GDPD1: variants seen among roughly 807,000 people sequenced by gnomAD.
The protein encoded by GDPD1 is lysophospholipase D GDPD1.
A neutral mutation model predicts 45.1 loss-of-function variants in GDPD1; 28 were observed. The observed-to-expected ratio is 0.62, with a 90% CI of 0.46 to 0.85. The LOEUF (loss-of-function observed/expected upper bound fraction) is 0.85, where lower values mean the gene tolerates loss of function less well. Among genes scored for constraint, GDPD1 ranks in the 40% least tolerant of loss-of-function variants. The probability of loss-of-function intolerance (pLI) is 0.00; values close to 1 mark genes in which losing one functional copy is unlikely to be tolerated. For missense variants in GDPD1, 256 were observed against 364.8 expected, an observed-to-expected ratio of 0.70 and a Z score of 2.43; for synonymous variants, 139 against 131.4, an observed-to-expected ratio of 1.06 and a Z score of -0.40.
intron 7 of GDPD1, among the ~76,000 whole-genome samples, chr17:59,270,662 G>A (rs991891881): frequency 5.3e-5 from 8 of 151,876 alleles, no homozygotes; most frequent in Non-Finnish European, 7.4e-5. Flanking sequence ...AGGGCACCAG[G>A]GTCTCTGGAA....
chr17:59,267,612 G>A (rs1471479767), intron 7 of GDPD1, among the ~76,000 whole-genome samples: 1 of 150,798 alleles, frequency 6.6e-6, no homozygotes, highest in Non-Finnish European at 1.5e-5. Flanking sequence ...AACCTCTGGA[G>A]ATAGGAAAAT....
At chr17:59,255,833 A>ATATATATATATATATATACACACG (rs1274097014) in intron 4 of GDPD1, among the ~76,000 whole-genome samples, 4 of 22,116 alleles carry the variant, frequency 1.8e-4, no homozygotes, top group South Asian at 8.7e-4. Flanking sequence ...ATATACGCGT[A>ATATATATATATATATATACACACG]TATATATATA....
At chr17:59,223,615 A>G (rs1041398269) in intron 1 of GDPD1, among the ~76,000 whole-genome samples, 1 of 152,138 alleles carries the variant, frequency 6.6e-6, no homozygotes, top group African/African-American at 2.4e-5. Context: ...ATATTTACTT[A>G]TTTTTCCCTA....
At chr17:59,254,045 A>G (rs1304818896) in intron 4 of GDPD1, among the ~76,000 whole-genome samples, 1 of 143,536 alleles carries the variant, frequency 7.0e-6, no homozygotes, top group Non-Finnish European at 1.5e-5. Flanking sequence ...ACAAAGCAAG[A>G]CTTCATCTCT....
chr17:59,243,250 A>T (rs1387200802), intron 2 of GDPD1, among the ~76,000 whole-genome samples: 1 of 151,198 alleles, frequency 6.6e-6, no homozygotes, highest in African/African-American at 2.4e-5. Context: ...TCACGCCTGT[A>T]ATCCCAGCAT....
chr17:59,272,517 T>C (rs1873444790), intron 8 of GDPD1, among the ~76,000 whole-genome samples: 1 of 152,220 alleles, frequency 6.6e-6, no homozygotes, highest in Non-Finnish European at 1.5e-5. Flanking sequence ...TCCATTGAGC[T>C]GTGCCAACAA....
chr17:59,237,041 GT>G (rs571076047), intron 2 of GDPD1, among the ~76,000 whole-genome samples: 1 of 151,242 alleles, frequency 6.6e-6, no homozygotes, highest in Middle Eastern at 3.4e-3. Flanking sequence ...AACTTAGAAG[GT>G]TTTTTTTTGT....
At position 59,257,221 on chromosome 17, in the gene GDPD1, A is replaced by G; in HGVS notation, c.467A>G (p.Asn156Ser). ...TPINIDIKVN[N>S]NVLIKKVSEL... ...ATTAACATCGATATCAAAGTCAACA[A>G]CAATGTGCTGATTAAGAAGGTACTC... is the stretch of plus-strand genomic sequence containing the variant. Residue 156 changes from asparagine to serine, a missense_variant, in exon 5 of 10, where the codon AAC becomes AGC. Transcript: ENST00000284116. 1 of 1,585,008 alleles carries G rather than the reference A, an allele frequency of 6.3e-7. No homozygotes were observed.
intron 4 of GDPD1, among the ~76,000 whole-genome samples, chr17:59,250,197 T>C (rs919300919): frequency 6.6e-6 from 1 of 152,222 alleles, no homozygotes; most frequent in Non-Finnish European, 1.5e-5. Context: ...TTGTAACTTA[T>C]ACGATTATAC....
intron 1 of GDPD1, among the ~76,000 whole-genome samples, chr17:59,228,134 T>C (rs2047061267): frequency 7.4e-6 from 1 of 135,226 alleles, no homozygotes; most frequent in African/African-American, 2.9e-5. Context: ...ATTGTGCCAC[T>C]GCACTTCAGC....
intron 6 of GDPD1, among the ~76,000 whole-genome samples, chr17:59,261,539 G>A (rs1216600672): frequency 2.0e-5 from 3 of 151,678 alleles, no homozygotes; most frequent in African/African-American, 7.3e-5. Flanking sequence ...CTCTGTCACT[G>A]AGGCTGGAGT....
chr17:59,234,423 T>C lies in GDPD1; in HGVS notation c.143-69T>C, dbSNP rs1325355999. ...AAAAGGTCAAGATTCATTAGGTGTA[T>C]TTTATTAAAATTAACTTCAGGAAAA... On this transcript the variant is annotated intron_variant, in intron 1 of 9. Coordinates refer to ENST00000284116, the MANE Select transcript of GDPD1 (RefSeq NM_182569.4). The C allele has an allele frequency of 1.5e-5, 15 of 991,374 alleles. No individual in the cohort carries two copies. In the South Asian group the frequency reaches 1.6e-4, roughly 10 times the overall value. The allele number at this position is 991,374 out of a possible 1,614,324, so 61.4% of individuals were successfully genotyped here.
intron 4 of GDPD1, among the ~76,000 whole-genome samples, chr17:59,250,317 G>A (rs932946760): frequency 6.6e-6 from 1 of 152,018 alleles, no homozygotes; most frequent in African/African-American, 2.4e-5. Context: ...GCCAAAGAAA[G>A]CCCCATAAAA....
chr17:59,250,043 G>A (rs2047241008), intron 4 of GDPD1, among the ~76,000 whole-genome samples: 1 of 151,816 alleles, frequency 6.6e-6, no homozygotes, highest in Non-Finnish European at 1.5e-5. Context: ...ATTGACCACT[G>A]ATAGGGGAAT....
At chr17:59,244,357 T>C (rs2047195922) in intron 2 of GDPD1, among the ~76,000 whole-genome samples, 1 of 152,170 alleles carries the variant, frequency 6.6e-6, no homozygotes, top group African/African-American at 2.4e-5. Flanking sequence ...CGAATGCTCC[T>C]AGAAGAGCAT....
intron 6 of GDPD1, 56 bp from the exon 7 acceptor site, chr17:59,266,985 T>A: frequency 4.4e-6 from 6 of 1,375,118 alleles, no homozygotes; most frequent in Non-Finnish European, 5.1e-6. Context: ...TGTGAAGTAA[T>A]CCTCTTTATT....
At position 59,226,841 on chromosome 17, in the gene GDPD1, A is replaced by AT. The variant is rs575645605; in HGVS notation, c.142+6101dup. Among the ~76,000 whole-genome samples, 1,248 of 146,106 alleles carry AT rather than the reference A, an allele frequency of 8.5e-3. 9 individuals are homozygous for AT. The highest frequency in any genetic ancestry group is 0.017 in the African/African-American group (661 of 40,020). On this transcript the variant is annotated intron_variant, in intron 1 of 9. Transcript: ENST00000284116. ...AGGCATCTGCCACCATACCCAGCTA[A>AT]TTTTTTTTTTTGTATTTTTAGTAGA...
chr17:59,239,766 T>G (rs1415671359), intron 2 of GDPD1, among the ~76,000 whole-genome samples: 2 of 151,850 alleles, frequency 1.3e-5, no homozygotes, highest in Non-Finnish European at 1.5e-5. Flanking sequence ...TGTATAGTTT[T>G]TTTTTTTTTT....
intron 1 of GDPD1, 51 bp downstream of exon 1, chr17:59,220,802 C>G (rs1048907635): frequency 6.3e-7 from 1 of 1,588,484 alleles, no homozygotes; most frequent in Non-Finnish European, 8.5e-7. Context: ...GGCTGAGGGT[C>G]CTTTGCGGCT....
Sources: allele counts gnomAD v4.1 joint callset (sites outside exome capture counted in the v4.1 genomes callset), GRCh38; gene constraint gnomAD v4.1.1; transcripts MANE v1.5; gene names NCBI Gene and HGNC (gene_info 2026-07-23, HGNC 2026-07-21).